DNAH7: variants seen among roughly 807,000 people sequenced by gnomAD.
DNAH7 encodes the protein axonemal beta dynein heavy chain 7.
Under a neutral mutation model 444.6 loss-of-function variants are expected in DNAH7, and 397 were observed. That is an observed-to-expected ratio of 0.89 (90% CI 0.82 to 0.97). DNAH7 has a LOEUF of 0.97. Ranked by LOEUF, DNAH7 falls within the 50% of genes least tolerant of loss-of-function variation. DNAH7 has a pLI of 0.00. For synonymous variants in DNAH7, 1,636 were observed against 1,624.4 expected, an observed-to-expected ratio of 1.01 and a Z score of -0.17; for missense variants, 4,902 against 4,800.8, an observed-to-expected ratio of 1.02 and a Z score of -0.62.
At chr2:196,024,867 A>G (rs1459703809) in intron 7 of DNAH7, among the ~76,000 whole-genome samples, 1 of 152,158 alleles carries the variant, frequency 6.6e-6, no homozygotes, top group Admixed American at 6.5e-5. Context: ...TTCACCGAGA[A>G]AAGGTACATA....
chr2:196,052,684 G>T (rs1429556915), intron 2 of DNAH7, among the ~76,000 whole-genome samples: 1 of 152,204 alleles, frequency 6.6e-6, no homozygotes, highest in East Asian at 1.9e-4. Context: ...TAAAGACCAT[G>T]TGCTTCCATC....
chr2:196,024,001 G>C (rs1695532695), intron 8 of DNAH7, among the ~76,000 whole-genome samples: 1 of 151,986 alleles, frequency 6.6e-6, no homozygotes, highest in South Asian at 2.1e-4. Flanking sequence ...ATTTTACATG[G>C]GTGCAGTTTG....
chr2:195,799,270 C>T (rs182013517), intron 55 of DNAH7, 26 bp downstream of exon 55: 38 of 1,449,750 alleles, frequency 2.6e-5, no homozygotes, highest in Admixed American at 4.9e-5. Context: ...AAATAATATC[C>T]GATAACTTCA....
At chr2:195,875,989 A>T in intron 37 of DNAH7, 146 bp from the exon 38 acceptor site, 3 of 697,904 alleles carry the variant, frequency 4.3e-6, no homozygotes, top group Non-Finnish European at 6.6e-6. Context: ...AACAAGGATA[A>T]TATCCTTAGC....
intron 42 of DNAH7, among the ~76,000 whole-genome samples, chr2:195,861,106 T>C (rs1322999913): frequency 1.3e-5 from 2 of 152,162 alleles, no homozygotes; most frequent in African/African-American, 4.8e-5. Flanking sequence ...AAGGTCCCCT[T>C]TAAAGGTAAC....
At position 195,864,278 on chromosome 2, in the gene DNAH7, G is replaced by C. The variant is rs16841199; in HGVS notation, c.7377C>G (p.Asn2459Lys). ...GGCTGCGGCAATGATCAATAAACAT[G>C]TTGAAAAGGGCTATGGGGCTGCCAT... Reference protein sequence around the residue: ...QTDGSPIALFNMFIDHCRSQL... With the variant: ...QTDGSPIALFKMFIDHCRSQL... Residue 2459 changes from asparagine to lysine, a missense_variant, in exon 41 of 65, where the codon AAC becomes AAG. Asn to Lys is a moderately conservative substitution (Grantham distance 94). Coordinates refer to ENST00000312428, the MANE Select transcript of DNAH7 (RefSeq NM_018897.3). The C allele has an allele frequency of 2.9e-3, 4,647 of 1,614,142 alleles. 126 individuals carry two copies. The African/African-American group carries it at 0.053, about 18-fold the overall frequency.
rs374020072 is a variant in DNAH7, at chr2:195,748,706, G to A, written c.11764+5631C>T. ...GCTTATCTACAACTATCTGATCTTT[G>A]ACAAACCTGAGAAAAACAAGCAATG... On this transcript the variant is annotated intron_variant, in intron 63 of 64. Coordinates refer to ENST00000312428, the MANE Select transcript of DNAH7 (RefSeq NM_018897.3). Among the ~76,000 whole-genome samples, 68 of 152,244 alleles carry A rather than the reference G, an allele frequency of 4.5e-4. No individual in the cohort carries two copies. In the East Asian group the frequency reaches 9.3e-3, roughly 21 times the overall value.
At chr2:196,030,184 A>T (rs192928980) in intron 5 of DNAH7, among the ~76,000 whole-genome samples, 1 of 152,366 alleles carries the variant, frequency 6.6e-6, no homozygotes, top group Admixed American at 6.5e-5. Context: ...GGCGAAAGCC[A>T]CTTCTTACAT....
chr2:195,963,734 T>C (rs750136101), intron 17 of DNAH7, among the ~76,000 whole-genome samples: 2 of 152,242 alleles, frequency 1.3e-5, no homozygotes, highest in African/African-American at 4.8e-5. Context: ...AGTAGTTTCA[T>C]AGTTTGAGGT....
At chr2:195,821,011 G>T (rs998353941) in intron 49 of DNAH7, among the ~76,000 whole-genome samples, 1 of 152,070 alleles carries the variant, frequency 6.6e-6, no homozygotes, top group Non-Finnish European at 1.5e-5. Flanking sequence ...AATCAGCCCC[G>T]CACCAGGCCA....
intron 21 of DNAH7, among the ~76,000 whole-genome samples, chr2:195,928,178 G>C (rs186787150): frequency 1.3e-3 from 195 of 152,182 alleles, no homozygotes; most frequent in African/African-American, 4.6e-3. Context: ...CATGGTATTT[G>C]GTTTTCTGTT....
chr2:195,836,619 T>A (rs1698387777), intron 47 of DNAH7, among the ~76,000 whole-genome samples: 1 of 151,476 alleles, frequency 6.6e-6, no homozygotes, highest in African/African-American at 2.4e-5. Flanking sequence ...AGAAAAGACA[T>A]CAAAAGAGTA....
chr2:196,047,460 G>A lies in DNAH7; in HGVS notation c.290C>T (p.Pro97Leu), dbSNP rs747290677. The A allele has an allele frequency of 6.3e-7, 1 of 1,596,922 alleles. No individual in the cohort carries two copies. Reference sequence around the variant, plus strand: ...AACATAACTATCATCAACTTGGTGGGGTAATTTGCCCTTTTTTCCAAAACG... The same window carrying A: ...AACATAACTATCATCAACTTGGTGGAGTAATTTGCCCTTTTTTCCAAAACG... ...MERFGKKGKLPHQVDDSYVGP... is the reference protein window; with the variant it reads ...MERFGKKGKLLHQVDDSYVGP... The change falls in exon 5 of 65, where the codon CCC becomes CTC. Residue 97 changes from proline to leucine, a missense_variant. Pro to Leu is a moderately conservative substitution (Grantham distance 98). Transcript: ENST00000312428.
At chr2:196,034,566 A>C (rs1185586102) in intron 5 of DNAH7, among the ~76,000 whole-genome samples, 1 of 152,220 alleles carries the variant, frequency 6.6e-6, no homozygotes, top group Admixed American at 6.5e-5. Flanking sequence ...AAAAGACCTA[A>C]AACACCCAAA....
chr2:195,872,357 A>G lies in DNAH7; in HGVS notation c.6526T>C (p.Tyr2176His), dbSNP rs1700764451. ...NLLPTPAKSH[Y>H]LFNLRDFSRV... ...GAGAAATCACGGAGGTTGAACAAGT[A>G]GTGAGATTTAGCTGGAGTAGGCAAG... Residue 2176 changes from tyrosine (Y) to histidine (H), a missense_variant, in exon 40 of 65, where the codon TAC (tyrosine) becomes CAC (histidine). Tyr to His is a moderately conservative substitution (Grantham distance 83, BLOSUM62 2). Transcript: ENST00000312428. 1 of 1,613,814 alleles carries G rather than the reference A, an allele frequency of 6.2e-7. No homozygotes were observed.
intron 54 of DNAH7, among the ~76,000 whole-genome samples, chr2:195,805,911 AAATT>A (rs1407591726): frequency 1.3e-5 from 2 of 152,182 alleles, no homozygotes; most frequent in Non-Finnish European, 2.9e-5. Context: ...TATTTTTAAA[AAATT>A]AATACATTAC....
At chr2:195,930,569 T>C (rs1386025972) in intron 21 of DNAH7, among the ~76,000 whole-genome samples, 2 of 152,164 alleles carry the variant, frequency 1.3e-5, no homozygotes, top group African/African-American at 2.4e-5. Context: ...GCTTATACAC[T>C]ATTGGTGGGA....
At chr2:195,787,547 G>A (rs1001646713) in intron 57 of DNAH7, among the ~76,000 whole-genome samples, 2 of 152,110 alleles carry the variant, frequency 1.3e-5, no homozygotes, top group African/African-American at 4.8e-5. Flanking sequence ...GAGATAATTC[G>A]AACCGATTAG....
Position 195,864,773 on chromosome 2 carries a change from CATT to C in DNAH7, c.6879_6881del (p.Met2294del). 6.2e-7 allele frequency: 1 copy of C among 1,614,188 alleles called. No individual in the cohort carries two copies. Among genetic ancestry groups the C allele is most frequent in the Non-Finnish European group, 8.5e-7 (1 of 1,180,026 alleles). On this transcript the variant is annotated inframe_deletion, in exon 41 of 65. Transcript: ENST00000312428. ...ATTCTTCTAGGTGAATTTCTACTAT[CATT>C]CGAAGATTATCCACATCTGCGATTT...
Sources: allele counts gnomAD v4.1 joint callset (sites outside exome capture counted in the v4.1 genomes callset), GRCh38; gene constraint gnomAD v4.1.1; transcripts MANE v1.5; gene names NCBI Gene and HGNC (gene_info 2026-07-23, HGNC 2026-07-21).